Variants in MGMT observed in about 807,000 individuals in gnomAD.
The protein encoded by MGMT is methylated-DNA--protein-cysteine methyltransferase.
A neutral mutation model predicts 15.9 loss-of-function variants in MGMT; 14 were observed. That is an observed-to-expected ratio of 0.88 (90% CI 0.58 to 1.37). MGMT has a LOEUF of 1.37. Among genes scored for constraint, MGMT ranks in the 40% most tolerant of loss-of-function variants. The probability of loss-of-function intolerance (pLI) is 0.00; values close to 1 mark genes in which losing one functional copy is unlikely to be tolerated. For missense variants in MGMT, 282 were observed against 268.1 expected (o/e 1.05, Z -0.36); for synonymous variants, 130 against 118.2 (o/e 1.10, Z -0.65).
rs74508881 is a variant in MGMT, at chr10:129,728,164, G to A, written c.274+20121G>A. On this transcript the variant is annotated intron_variant, in intron 3 of 4. Transcript: ENST00000651593. ...ATGGAGCCAGCACCAGGGGACAAGG[G>A]GGACCTGAAGCAGCTGTGACCGTGG... is the stretch of plus-strand genomic sequence containing the variant. Among the ~76,000 whole-genome samples the A allele has an allele frequency of 6.0e-3, 919 of 152,326 alleles. 8 individuals carry two copies. Among genetic ancestry groups the A allele is most frequent in the African/African-American group, 0.021 (854 of 41,584 alleles).
chr10:129,596,874 AT>A (rs1846757443), intron 2 of MGMT, among the ~76,000 whole-genome samples: 2 of 151,924 alleles, frequency 1.3e-5, no homozygotes, highest in African/African-American at 4.8e-5. Flanking sequence ...AGAGGGAAGC[AT>A]TTTTGGAGCT....
At chr10:129,582,207 G>T (rs766916565) in intron 2 of MGMT, among the ~76,000 whole-genome samples, 2 of 152,218 alleles carry the variant, frequency 1.3e-5, no homozygotes, top group Non-Finnish European at 2.9e-5. Flanking sequence ...ATGAATGTGC[G>T]TGGACCCCGC....
Position 129,658,426 on chromosome 10 carries a change from T to A in MGMT, c.126-49469T>A, listed in dbSNP as rs1459888845. 2.6e-5 allele frequency among the ~76,000 whole-genome samples: 4 copies of A among 152,266 alleles called. No individual in the cohort carries two copies. In the East Asian group the frequency reaches 5.8e-4, roughly 22 times the overall value. On this transcript the variant is annotated intron_variant, in intron 2 of 4. Coordinates refer to ENST00000651593, the MANE Select transcript of MGMT (RefSeq NM_002412.5). ...GGTGACCCTCAGAGCACGCCTGGTA[T>A]GCACTGCGTTAGCTTGCCAGTATTT... is the stretch of plus-strand genomic sequence containing the variant.
intron 2 of MGMT, among the ~76,000 whole-genome samples, chr10:129,555,368 G>T (rs1564850909): frequency 6.6e-6 from 1 of 152,150 alleles, no homozygotes; most frequent in African/African-American, 2.4e-5. Context: ...TATCTTGCTG[G>T]CCTTAGTACC....
intron 2 of MGMT, among the ~76,000 whole-genome samples, chr10:129,630,623 A>G (rs1847199336): frequency 6.6e-6 from 1 of 152,160 alleles, no homozygotes; most frequent in African/African-American, 2.4e-5. Flanking sequence ...AGGCCTGTGG[A>G]TGGGTGAGAT....
intron 2 of MGMT, among the ~76,000 whole-genome samples, chr10:129,702,841 A>G (rs749091514): frequency 6.6e-6 from 1 of 152,166 alleles, no homozygotes; most frequent in African/African-American, 2.4e-5. Flanking sequence ...AGCGTGGGCT[A>G]CGGAGCCCGT....
At chr10:129,546,394 TGGCTGCTGACAGGATGTAGG>T (rs1001471370) in intron 2 of MGMT, among the ~76,000 whole-genome samples, 2 of 152,200 alleles carry the variant, frequency 1.3e-5, no homozygotes, top group African/African-American at 4.8e-5. Flanking sequence ...CAGGAGGCCC[TGGCTGCTGACAGGATGTAGG>T]GGCATGGAGG....
At chr10:129,485,308 TC>T (rs745409537) in intron 1 of MGMT, among the ~76,000 whole-genome samples, 220 of 152,274 alleles carry the variant, frequency 1.4e-3, no homozygotes, top group Non-Finnish European at 2.7e-3. Context: ...TTCTAATCTC[TC>T]TCCCCACTTT....
intron 2 of MGMT, among the ~76,000 whole-genome samples, chr10:129,628,564 C>T (rs533612120): frequency 6.6e-6 from 1 of 152,232 alleles, no homozygotes; most frequent in African/African-American, 2.4e-5. Flanking sequence ...GAACACAGCC[C>T]CTGAACAGAA....
At chr10:129,476,328 C>T (rs1314045033) in intron 1 of MGMT, among the ~76,000 whole-genome samples, 2 of 152,180 alleles carry the variant, frequency 1.3e-5, no homozygotes, top group African/African-American at 2.4e-5. Flanking sequence ...GTTCTCACTT[C>T]CTCAGACATT....
chr10:129,535,788 G>A (rs906785167), intron 1 of MGMT, among the ~76,000 whole-genome samples: 9 of 152,196 alleles, frequency 5.9e-5, no homozygotes, highest in Non-Finnish European at 4.4e-5. Context: ...CTCTGTTTTT[G>A]TAAGTCATTG....
Position 129,532,383 on chromosome 10 carries a change from G to T in MGMT, c.-12-3858G>T, listed in dbSNP as rs977874270. On this transcript the variant is annotated intron_variant, in intron 1 of 4. Coordinates refer to ENST00000651593, the MANE Select transcript of MGMT (RefSeq NM_002412.5). The surrounding 1 kb of genome is among the most constrained non-coding windows in gnomAD (Gnocchi z 5.3). ...GGTTTGGCTGGAAGCCTTCTCCACC[G>T]CATTCCCAACCGCTGGCCTCCCAAG... Among the ~76,000 whole-genome samples the T allele has an allele frequency of 6.6e-6, 1 of 152,174 alleles. No homozygotes were observed. Among genetic ancestry groups the T allele is most frequent in the Non-Finnish European group, 1.5e-5 (1 of 68,030 alleles).
At chr10:129,689,831 T>C (rs1285804859) in intron 2 of MGMT, among the ~76,000 whole-genome samples, 1 of 152,234 alleles carries the variant, frequency 6.6e-6, no homozygotes, top group East Asian at 1.9e-4. Flanking sequence ...TTCCCAGTGC[T>C]TTCTGGGCTA....
chr10:129,755,555 C>G (rs1057413173), intron 3 of MGMT, among the ~76,000 whole-genome samples: 1 of 152,180 alleles, frequency 6.6e-6, no homozygotes, highest in African/African-American at 2.4e-5. Context: ...GATGCCCCTT[C>G]CCCCCAGGAA....
At chr10:129,470,090 G>T (rs1031630515) in intron 1 of MGMT, among the ~76,000 whole-genome samples, 1 of 152,218 alleles carries the variant, frequency 6.6e-6, no homozygotes, top group African/African-American at 2.4e-5. Flanking sequence ...ACTGTGGGGT[G>T]AGAGTGGTCT....
At chr10:129,503,671 T>C (rs1845597376) in intron 1 of MGMT, among the ~76,000 whole-genome samples, 1 of 152,242 alleles carries the variant, frequency 6.6e-6, no homozygotes, top group Non-Finnish European at 1.5e-5. Context: ...TTGAAGGTAA[T>C]ATCTTTTATT....
At chr10:129,743,379 CAG>C (rs1182712370) in intron 3 of MGMT, among the ~76,000 whole-genome samples, 1 of 152,224 alleles carries the variant, frequency 6.6e-6, no homozygotes, top group African/African-American at 2.4e-5. Flanking sequence ...TTTCAGGAGA[CAG>C]AGATGTCCTC....
intron 1 of MGMT, among the ~76,000 whole-genome samples, chr10:129,469,836 A>G (rs1248680193): frequency 6.6e-6 from 1 of 152,024 alleles, no homozygotes. Flanking sequence ...CCTCCCAAGT[A>G]CCAGGGACTA....
At chr10:129,468,471 G>C (rs1433277921) in intron 1 of MGMT, among the ~76,000 whole-genome samples, 1 of 152,066 alleles carries the variant, frequency 6.6e-6, no homozygotes, top group African/African-American at 2.4e-5. Context: ...TGGGCCCTCT[G>C]TCTCGGGTTG....
Sources: gnomAD v4.1 joint callset for allele counts (sites outside exome capture counted in the v4.1 genomes callset) on GRCh38, gnomAD v4.1.1 for gene constraint, Gnocchi (gnomAD v3.1) non-coding constraint, MANE v1.5 for transcripts, NCBI Gene and HGNC (gene_info 2026-07-23, HGNC 2026-07-21) for gene names.